The following ELMOD3 variants were observed in gnomAD, a reference collection of about 807,000 sequenced individuals.
ELMOD3 encodes ELMO domain containing 3, also known as ELMO domain-containing protein 3.
ELMOD3 carries 36 observed loss-of-function variants against 47.4 expected under a neutral mutation model. The observed-to-expected ratio is 0.76, with a 90% CI of 0.58 to 1.00. The LOEUF (loss-of-function observed/expected upper bound fraction) is 1.00, where lower values mean the gene tolerates loss of function less well. Ranked by LOEUF, ELMOD3 falls within the 50% of genes least tolerant of loss-of-function variation. ELMOD3 has a pLI of 0.00. For missense variants in ELMOD3, 404 were observed against 463.8 expected, an observed-to-expected ratio of 0.87 and a Z score of 1.18; for synonymous variants, 149 against 183.5, an observed-to-expected ratio of 0.81 and a Z score of 1.52.
chr2:85,383,188 G>A (rs1685706666), intron 11 of ELMOD3, among the ~76,000 whole-genome samples: 1 of 151,558 alleles, frequency 6.6e-6, no homozygotes, highest in South Asian at 2.1e-4. Context: ...GAGTGCAGTG[G>A]CGTAATCTTG....
intron 12 of ELMOD3, 105 bp downstream of exon 12, chr2:85,389,932 G>C (rs1309476847): frequency 1.7e-6 from 2 of 1,204,114 alleles, no homozygotes; most frequent in Non-Finnish European, 2.5e-6. Context: ...GGCTCCTGGA[G>C]GGCCTGGACA....
intron 10 of ELMOD3, among the ~76,000 whole-genome samples, chr2:85,375,271 C>A (rs115811108): frequency 6.6e-6 from 1 of 152,206 alleles, no homozygotes; most frequent in African/African-American, 2.4e-5. Context: ...TTCAGCTCCA[C>A]ACTTTGTCCT....
At chr2:85,369,561 G>C (rs1425959764) in intron 7 of ELMOD3, among the ~76,000 whole-genome samples, 178 bp from the exon 8 acceptor site, 2 of 152,218 alleles carry the variant, frequency 1.3e-5, no homozygotes, top group Non-Finnish European at 2.9e-5. Context: ...TCCAAAAAGA[G>C]AGTCCTCTTC....
chr2:85,364,535 G>A lies in ELMOD3; in HGVS notation c.199+1369G>A, dbSNP rs1164412778. Among the ~76,000 whole-genome samples, 10 of 149,814 alleles carry A rather than the reference G, an allele frequency of 6.7e-5. No individual in the cohort carries two copies. The East Asian group carries it at 1.4e-3, about 21-fold the overall frequency. ...GGAGGCAGAGGTTGCAGTGAGCCGA[G>A]ATCATGCCACTGTACTGCACCCTGG... is the stretch of plus-strand genomic sequence containing the variant. On this transcript the variant is annotated intron_variant, in intron 6 of 13. Transcript: ENST00000409013.
intron 7 of ELMOD3, among the ~76,000 whole-genome samples, chr2:85,369,121 A>C (rs1056170496): frequency 6.6e-6 from 1 of 152,200 alleles, no homozygotes; most frequent in Admixed American, 6.5e-5. Flanking sequence ...TGCACAAGGA[A>C]GTCCCTGGGG....
chr2:85,360,292 C>T (rs1283625397), intron 4 of ELMOD3, among the ~76,000 whole-genome samples: 3 of 148,368 alleles, frequency 2.0e-5, no homozygotes, highest in African/African-American at 7.4e-5. Context: ...AAAAAGCCAC[C>T]ATTTCAGTTA....
chr2:85,375,466 C>T (rs1685106472), intron 10 of ELMOD3, among the ~76,000 whole-genome samples: 1 of 152,190 alleles, frequency 6.6e-6, no homozygotes, highest in Non-Finnish European at 1.5e-5. Context: ...TGTCTCCGTT[C>T]TCCTGTTGAC....
chr2:85,362,869 G>T (rs1324480731), intron 5 of ELMOD3, among the ~76,000 whole-genome samples: 1 of 152,224 alleles, frequency 6.6e-6, no homozygotes, highest in Non-Finnish European at 1.5e-5. Context: ...AGTGAGCCAA[G>T]ATCAGGCCAC....
At chr2:85,365,500 A>G (rs1684322205) in intron 6 of ELMOD3, among the ~76,000 whole-genome samples, 1 of 152,202 alleles carries the variant, frequency 6.6e-6, no homozygotes, top group Non-Finnish European at 1.5e-5. Flanking sequence ...AGATAACCTA[A>G]TTAACGTGAG....
intron 6 of ELMOD3, among the ~76,000 whole-genome samples, chr2:85,364,804 C>CATATATATATATATATATATATAT (rs1224340659): frequency 2.6e-5 from 2 of 78,074 alleles, no homozygotes; most frequent in African/African-American, 1.2e-4. Flanking sequence ...ACTTTAAATA[C>CATATATATATATATATATATATAT]ATATATATAT....
chr2:85,363,051 G>C, intron 5 of ELMOD3, 46 bp from the exon 6 acceptor site: 1 of 1,182,070 alleles, frequency 8.5e-7, no homozygotes, highest in Non-Finnish European at 1.3e-6. Flanking sequence ...TGTATATGGG[G>C]GTATGTGGAT....
intron 11 of ELMOD3, 134 bp downstream of exon 11, chr2:85,377,608 T>C: frequency 2.2e-6 from 2 of 899,556 alleles, no homozygotes; most frequent in African/African-American, 1.7e-5. Context: ...CATTGAAATA[T>C]GAGCTGTACC....
intron 4 of ELMOD3, 145 bp downstream of exon 4, chr2:85,357,397 C>T: frequency 2.0e-6 from 1 of 494,748 alleles, no homozygotes; most frequent in Non-Finnish European, 3.6e-6. Context: ...AGCTTCTATT[C>T]ACCTCAGGGT....
chr2:85,361,084 G>A (rs1683918030), intron 4 of ELMOD3, among the ~76,000 whole-genome samples: 1 of 152,172 alleles, frequency 6.6e-6, no homozygotes, highest in African/African-American at 2.4e-5. Context: ...TTCCCAAAGT[G>A]CTGGGATTGT....
intron 4 of ELMOD3, among the ~76,000 whole-genome samples, chr2:85,360,421 T>C (rs1375879667): frequency 6.6e-6 from 1 of 151,464 alleles, no homozygotes; most frequent in African/African-American, 2.4e-5. Flanking sequence ...TGGCGTAATC[T>C]CAGCTCGCTG....
chr2:85,371,372 C>G, intron 9 of ELMOD3, 68 bp from the exon 10 acceptor site: 1 of 1,605,078 alleles, frequency 6.2e-7, no homozygotes. Context: ...ATCTCACATT[C>G]TCTGAGAAGC....
Position 85,389,782 on chromosome 2 carries a change from T to A in ELMOD3, c.770T>A (p.Ile257Asn), listed in dbSNP as rs761093408. ...QFPFCLMSVN[I>N]THIAIQALRE... ...CCTTTCTGTTTGATGTCCGTGAACATCACCCACATTGCCATCCAGGCCTTG... is the reference window on the plus strand; with the variant it reads ...CCTTTCTGTTTGATGTCCGTGAACAACACCCACATTGCCATCCAGGCCTTG... Residue 257 changes from isoleucine to asparagine, a missense_variant, in exon 12 of 14, where the codon ATC (isoleucine) becomes AAC (asparagine). By Grantham distance (149) the Ile-to-Asn change is moderately radical (BLOSUM62 -3). Transcript: ENST00000409013. 1 of 1,614,152 alleles carries A rather than the reference T, an allele frequency of 6.2e-7. No individual in the cohort carries two copies. Among genetic ancestry groups the A allele is most frequent in the South Asian group, 1.1e-5 (1 of 91,080 alleles).
chr2:85,366,674 A>G (rs1034047676), intron 6 of ELMOD3, among the ~76,000 whole-genome samples: 1 of 152,240 alleles, frequency 6.6e-6, no homozygotes, highest in Non-Finnish European at 1.5e-5. Context: ...AGCATTCACA[A>G]GTAGTTTGGC....
At chr2:85,381,454 T>C (rs1385142992) in intron 11 of ELMOD3, among the ~76,000 whole-genome samples, 2 of 152,214 alleles carry the variant, frequency 1.3e-5, no homozygotes, top group Non-Finnish European at 2.9e-5. Flanking sequence ...CAAAATTTTG[T>C]AAACAATCTA....
Sources: gnomAD v4.1 joint callset for allele counts (sites outside exome capture counted in the v4.1 genomes callset) on GRCh38, gnomAD v4.1.1 for gene constraint, MANE v1.5 for transcripts, NCBI Gene and HGNC (gene_info 2026-07-23, HGNC 2026-07-21) for gene names.